AK8: variants seen among roughly 807,000 people sequenced by gnomAD.
AK8 encodes adenylate kinase 8.
AK8 carries 44 observed loss-of-function variants against 54.6 expected under a neutral mutation model. The ratio of observed to expected loss-of-function variants is 0.81; its 90% CI spans 0.63 to 1.04. AK8 has a LOEUF of 1.04. Among genes scored for constraint, AK8 ranks in the 50% least tolerant of loss-of-function variants. AK8 has a pLI of 0.00. For missense variants in AK8, 555 were observed against 613.6 expected (o/e 0.90, Z 1.01); for synonymous variants, 239 against 245.6 (o/e 0.97, Z 0.25).
chr9:132,796,684 C>T (rs1840184835), intron 10 of AK8, among the ~76,000 whole-genome samples: 1 of 151,544 alleles, frequency 6.6e-6, no homozygotes, highest in Non-Finnish European at 1.5e-5. Flanking sequence ...GAGAAAAAAG[C>T]AGGTAAATAA....
intron 10 of AK8, among the ~76,000 whole-genome samples, chr9:132,797,386 C>T (rs1840224165): frequency 1.3e-5 from 2 of 152,308 alleles, no homozygotes; most frequent in South Asian, 4.1e-4. Flanking sequence ...CGTTCATGGG[C>T]CAGAGAACTT....
At chr9:132,874,645 G>A (rs1017082223) in intron 2 of AK8, among the ~76,000 whole-genome samples, 5 of 152,146 alleles carry the variant, frequency 3.3e-5, no homozygotes, top group Non-Finnish European at 7.3e-5. Flanking sequence ...CAAAGGTTTG[G>A]GGAGCTCGGA....
chr9:132,725,759 G>C lies in AK8; in HGVS notation c.1369C>G (p.Gln457Glu). ...TATTCGAAGACTGTGTATGGGTCCT[G>C]GTCCCCATTGAGGGTGATGGCCGAC... is the stretch of plus-strand genomic sequence containing the variant. ...YGSAITLNGD[Q>E]DPYTVFEYIE... The change falls in exon 13 of 13, where the codon CAG (glutamine) becomes GAG (glutamate). Residue 457 changes from glutamine (Q) to glutamate (E), a missense_variant. Gln to Glu is a conservative substitution (Grantham distance 29, BLOSUM62 2). Coordinates refer to ENST00000298545, the MANE Select transcript of AK8 (RefSeq NM_152572.3). 1.9e-6 allele frequency: 3 copies of C among 1,597,186 alleles called. No homozygotes were observed. The highest frequency in any genetic ancestry group is 2.6e-6 in the Non-Finnish European group (3 of 1,172,056).
At position 132,875,097 on chromosome 9, in the gene AK8, G is replaced by T. The variant is rs1438339265; in HGVS notation, c.169+18C>A. 1.2e-6 allele frequency: 2 copies of T among 1,613,622 alleles called. No individual in the cohort carries two copies. The highest frequency in any genetic ancestry group is 2.7e-5 in the African/African-American group (2 of 74,900). ...GGAAGGGAAGACGAGGAGGGGAAGAGCCCCAGCCAGTGCTCACCATTGTCG... is the reference window on the plus strand; with the variant it reads ...GGAAGGGAAGACGAGGAGGGGAAGATCCCCAGCCAGTGCTCACCATTGTCG... On this transcript the variant is annotated intron_variant, in intron 2 of 12. Transcript: ENST00000298545.
chr9:132,808,521 T>A (rs1840833941), intron 10 of AK8, among the ~76,000 whole-genome samples: 1 of 152,058 alleles, frequency 6.6e-6, no homozygotes, highest in African/African-American at 2.4e-5. Flanking sequence ...TGCTGCTGAT[T>A]CGAAAGAAGG....
At position 132,741,056 on chromosome 9, in the gene AK8, C is replaced by T. The variant is rs1038229639; in HGVS notation, c.1122-13522G>A. Among the ~76,000 whole-genome samples, 5 of 152,284 alleles carry T rather than the reference C, an allele frequency of 3.3e-5. No homozygotes were observed. The East Asian group carries it at 5.8e-4, about 18-fold the overall frequency. ...GCCTTCCTGCCACATGGTGGGAGTG[C>T]CTTTTCCCCCCATTTCCTGGGGGCA... On this transcript the variant is annotated intron_variant, in intron 11 of 12. Coordinates refer to ENST00000298545, the MANE Select transcript of AK8 (RefSeq NM_152572.3).
chr9:132,761,592 A>AT (rs1418692259), intron 11 of AK8, among the ~76,000 whole-genome samples: 5 of 151,748 alleles, frequency 3.3e-5, no homozygotes, highest in East Asian at 1.9e-4. Context: ...TATTCATAAG[A>AT]TTTTTTTTCC....
chr9:132,866,671 G>A (rs75171536), intron 3 of AK8, among the ~76,000 whole-genome samples: 2 of 152,114 alleles, frequency 1.3e-5, no homozygotes, highest in African/African-American at 2.4e-5. Context: ...AGGTGTCTCC[G>A]AGCATGCTAA....
intron 11 of AK8, among the ~76,000 whole-genome samples, chr9:132,753,902 T>G (rs1365169654): frequency 2.0e-5 from 3 of 152,206 alleles, no homozygotes; most frequent in African/African-American, 7.2e-5. Context: ...TTAGGTCCCA[T>G]CATTGCCTCC....
At chr9:132,877,111 T>C (rs1844142993) in intron 1 of AK8, among the ~76,000 whole-genome samples, 1 of 152,128 alleles carries the variant, frequency 6.6e-6, no homozygotes, top group South Asian at 2.1e-4. Flanking sequence ...ACAATCAATG[T>C]GGAAAACACA....
At chr9:132,801,286 T>A (rs190061704) in intron 10 of AK8, among the ~76,000 whole-genome samples, 2 of 152,206 alleles carry the variant, frequency 1.3e-5, no homozygotes, top group African/African-American at 4.8e-5. Flanking sequence ...AAAATAGACA[T>A]TCTTCTATAA....
intron 5 of AK8, among the ~76,000 whole-genome samples, chr9:132,832,780 C>T (rs1842160445): frequency 6.6e-6 from 1 of 152,192 alleles, no homozygotes; most frequent in African/African-American, 2.4e-5. Context: ...GCGGGACTTC[C>T]AATTACACAG....
intron 11 of AK8, among the ~76,000 whole-genome samples, chr9:132,768,029 T>G (rs1194340906): frequency 6.6e-6 from 1 of 152,140 alleles, no homozygotes; most frequent in East Asian, 1.9e-4. Context: ...AGTTCCAGTG[T>G]TTGATAGCAC....
At chr9:132,847,526 C>T (rs1237608478) in intron 5 of AK8, among the ~76,000 whole-genome samples, 1 of 152,198 alleles carries the variant, frequency 6.6e-6, no homozygotes, top group Non-Finnish European at 1.5e-5. Flanking sequence ...TGGGCAAGAC[C>T]ATATCCAGCT....
At chr9:132,863,861 C>T in intron 3 of AK8, 83 bp from the exon 4 acceptor site, 1 of 1,078,848 alleles carries the variant, frequency 9.3e-7, no homozygotes, top group South Asian at 1.5e-5. Flanking sequence ...CTGGTCCTTC[C>T]CTCTCCTATG....
At chr9:132,728,610 A>C (rs1836684750) in intron 11 of AK8, among the ~76,000 whole-genome samples, 1 of 152,166 alleles carries the variant, frequency 6.6e-6, no homozygotes, top group African/African-American at 2.4e-5. Flanking sequence ...CCATTCCTAG[A>C]TACCCTTCCT....
intron 11 of AK8, among the ~76,000 whole-genome samples, chr9:132,733,482 C>G (rs778335738): frequency 6.6e-6 from 1 of 152,232 alleles, no homozygotes; most frequent in Non-Finnish European, 1.5e-5. Flanking sequence ...ACTTTTAACC[C>G]AGCGTACCAA....
chr9:132,871,765 G>A (rs1367535123), intron 2 of AK8, among the ~76,000 whole-genome samples: 1 of 152,242 alleles, frequency 6.6e-6, no homozygotes, highest in African/African-American at 2.4e-5. Flanking sequence ...AAGGGAAAGG[G>A]GCGCTAAGGA....
intron 11 of AK8, among the ~76,000 whole-genome samples, chr9:132,758,461 G>A (rs1248355773): frequency 6.6e-6 from 1 of 151,832 alleles, no homozygotes; most frequent in Non-Finnish European, 1.5e-5. Context: ...GTTTGTTTAT[G>A]TTTTTTGAGA....
Sources: gnomAD v4.1 joint callset for allele counts (sites outside exome capture counted in the v4.1 genomes callset) on GRCh38, gnomAD v4.1.1 for gene constraint, MANE v1.5 for transcripts, NCBI Gene and HGNC (gene_info 2026-07-23, HGNC 2026-07-21) for gene names.